Variants in NECTIN1 observed in about 807,000 individuals in gnomAD.
The protein encoded by NECTIN1 is nectin cell adhesion molecule 1.
In NECTIN1, 23 loss-of-function variants were observed where a neutral mutation model predicts 48.0. The observed-to-expected ratio is 0.48, with a 90% confidence interval of 0.34 to 0.68. The LOEUF is 0.68. Among genes scored for constraint, NECTIN1 ranks in the 30% least tolerant of loss-of-function variants. NECTIN1 has a pLI of 0.01. For missense variants in NECTIN1, 591 were observed against 709.9 expected (o/e 0.83, Z 1.90); for synonymous variants, 270 against 288.9 (o/e 0.93, Z 0.66).
chr11:119,724,997 A>G (rs1865888422), intron 1 of NECTIN1, among the ~76,000 whole-genome samples: 1 of 152,206 alleles, frequency 6.6e-6, no homozygotes, highest in African/African-American at 2.4e-5. Flanking sequence ...TCTCTGAGGT[A>G]GGAGGCATTC....
chr11:119,724,132 T>C (rs999306082), intron 1 of NECTIN1, among the ~76,000 whole-genome samples: 2 of 152,146 alleles, frequency 1.3e-5, no homozygotes, highest in African/African-American at 4.8e-5. Flanking sequence ...CACACCCTTT[T>C]TAATTGCCCA....
rs1222362236 is a variant in NECTIN1, at chr11:119,684,148, C to G, written c.80-5383G>C. 2.6e-5 allele frequency among the ~76,000 whole-genome samples: 4 copies of G among 152,246 alleles called. No homozygotes were observed. Among genetic ancestry groups the G allele is most frequent in the Non-Finnish European group, 5.9e-5 (4 of 68,046 alleles). ...GTTTCTCTTCCTGCCCTTTTAACCC[C>G]CAGACCCCTCTTCCTAGCCAAGCAG... is the stretch of plus-strand genomic sequence containing the variant. On this transcript the variant is annotated intron_variant, in intron 1 of 5. Transcript: ENST00000264025. The surrounding 1 kb of genome is among the most constrained non-coding windows in gnomAD (Gnocchi z 5.2).
chr11:119,690,617 T>C (rs1865237271), intron 1 of NECTIN1, among the ~76,000 whole-genome samples: 1 of 152,198 alleles, frequency 6.6e-6, no homozygotes, highest in South Asian at 2.1e-4. Flanking sequence ...CACCAGCAGA[T>C]CAGGGCCTCA....
chr11:119,664,905 G>A lies in NECTIN1; in HGVS notation c.1396C>T (p.Arg466Trp), dbSNP rs760713461. The change falls in exon 6 of 6, where the codon CGG (arginine) becomes TGG (tryptophan). Residue 466 changes from arginine (R) to tryptophan (W), a missense_variant. By Grantham distance (101) the Arg-to-Trp change is moderately radical. Coordinates refer to ENST00000264025, the MANE Select transcript of NECTIN1 (RefSeq NM_002855.5). ...GCCTCATCCACGGTGAAGTAGGGCC[G>A]CTTGGCGTCCTCGTCATATTTGGGG... ...PHPKYDEDAK[R>W]PYFTVDEAEA... The A allele has an allele frequency of 1.1e-4, 185 of 1,613,850 alleles. No homozygotes were observed. Among genetic ancestry groups the A allele is most frequent in the Non-Finnish European group, 1.5e-4 (182 of 1,179,958 alleles).
intron 1 of NECTIN1, among the ~76,000 whole-genome samples, chr11:119,721,088 G>A (rs1036703218): frequency 1.4e-4 from 22 of 152,228 alleles, no homozygotes; most frequent in Non-Finnish European, 2.9e-5. Context: ...TGGTGCTAGG[G>A]CGTATATCTC....
In NECTIN1 at chr11:119,728,685, C is replaced by G. The variant is rs1478867281; in HGVS notation, c.-132G>C. 1.4e-5 allele frequency: 2 copies of G among 140,042 alleles called. No individual in the cohort carries two copies. The highest frequency in any genetic ancestry group is 2.9e-5 in the Non-Finnish European group (2 of 68,544). The allele number at this position is 140,042 out of a possible 1,614,324, so 8.7% of individuals were successfully genotyped here. ...AAGGATCCAGGTCAGCTGCAGCCGT[C>G]GGCCGGGGCGGGGTGGGCTGGGTGG... On this transcript the variant is annotated 5_prime_UTR_variant, in exon 1 of 6. Transcript: ENST00000264025.
chr11:119,668,939 G>A (rs1336962097), intron 5 of NECTIN1, among the ~76,000 whole-genome samples: 1 of 152,110 alleles, frequency 6.6e-6, no homozygotes, highest in Non-Finnish European at 1.5e-5. Context: ...GCTCACTATT[G>A]TTACATTTGT....
chr11:119,688,774 G>A (rs1238569439), intron 1 of NECTIN1, among the ~76,000 whole-genome samples: 6 of 152,148 alleles, frequency 3.9e-5, no homozygotes, highest in Non-Finnish European at 8.8e-5. Context: ...GAAGTGGCTG[G>A]GAACAGGGCT....
In NECTIN1 at chr11:119,665,364, A is replaced by C; in HGVS notation, c.1004-67T>G. 5.0e-6 allele frequency: 5 copies of C among 1,003,032 alleles called. No individual in the cohort carries two copies. The highest frequency in any genetic ancestry group is 6.8e-6 in the Non-Finnish European group (5 of 731,214). The allele number at this position is 1,003,032 out of a possible 1,614,324, so 62.1% of individuals were successfully genotyped here. On this transcript the variant is annotated intron_variant, in intron 5 of 5. Transcript: ENST00000264025. The surrounding 1 kb of genome is among the most constrained non-coding windows in gnomAD (Gnocchi z 5.1). ...GCTCCTGGGGTGTAGAGGGGGTGGGAGGGAGGCAGGGAAAGGAGAGGCCAG... is the reference window on the plus strand; with the variant it reads ...GCTCCTGGGGTGTAGAGGGGGTGGGCGGGAGGCAGGGAAAGGAGAGGCCAG...
rs1411441967 is a variant in NECTIN1 at position 119,684,374 on chromosome 11, T to C, written c.80-5609A>G. Among the ~76,000 whole-genome samples the C allele has an allele frequency of 1.3e-5, 2 of 152,324 alleles. No individual in the cohort carries two copies. Among genetic ancestry groups the C allele is most frequent in the African/African-American group, 4.8e-5 (2 of 41,582 alleles). On this transcript the variant is annotated intron_variant, in intron 1 of 5. Coordinates refer to ENST00000264025, the MANE Select transcript of NECTIN1 (RefSeq NM_002855.5). The surrounding 1 kb of genome is among the most constrained non-coding windows in gnomAD (Gnocchi z 5.2). ...TGGCCTGGAGTAAAGTGGCGGCACA[T>C]TGCAGAGAGGGAGTGGGTCTGTGTG...
intron 5 of NECTIN1, among the ~76,000 whole-genome samples, chr11:119,647,225 C>CTGTGTGTGTGTGTGTGTG (rs1279579777): frequency 7.2e-5 from 4 of 55,816 alleles, no homozygotes; most frequent in Non-Finnish European, 1.2e-4. Context: ...GTGTGTGTGA[C>CTGTGTGTGTGTGTGTGTG]TGTGACCCCC....
chr11:119,686,704 T>C (rs1445120665), intron 1 of NECTIN1, among the ~76,000 whole-genome samples: 1 of 152,216 alleles, frequency 6.6e-6, no homozygotes. Context: ...ACTCCCCCGT[T>C]ACCTGCGCAA....
At chr11:119,648,430 A>ATGGTGGTGATGGTGGTGG (rs1864444677) in intron 5 of NECTIN1, among the ~76,000 whole-genome samples, 1 of 17,594 alleles carries the variant, frequency 5.7e-5, no homozygotes, top group Admixed American at 5.4e-4. Context: ...GATGGTGGTG[A>ATGGTGGTGATGGTGGTGG]TGGTGGTGGT....
At chr11:119,640,071 G>A in intron 5 of NECTIN1, 2 of 1,506,626 alleles carry the variant, frequency 1.3e-6, no homozygotes, top group South Asian at 1.2e-5. Flanking sequence ...CCCAAAGAGA[G>A]TCAGAGATGT....
chr11:119,705,443 C>G (rs774315388), intron 1 of NECTIN1, among the ~76,000 whole-genome samples: 2 of 152,172 alleles, frequency 1.3e-5, no homozygotes, highest in Non-Finnish European at 2.9e-5. Context: ...GAAGATCTCA[C>G]TGAGAAAGGA....
At chr11:119,680,367 CA>C (rs779738444) in intron 1 of NECTIN1, among the ~76,000 whole-genome samples, 4 of 152,186 alleles carry the variant, frequency 2.6e-5, no homozygotes, top group Admixed American at 6.5e-5. Context: ...TGAGCGTCAT[CA>C]ATAGCATTAA....
Position 119,663,747 on chromosome 11 carries a change from G to T in NECTIN1, c.*1000C>A. The stretch of plus-strand genomic sequence containing the variant: ...CAGAGAAACCTCCACGCTGTAAGAA[G>T]CAGTTTGGGGCAGGCCTGAGATCCT... On this transcript the variant is annotated 3_prime_UTR_variant, in exon 6 of 6. Transcript: ENST00000264025. 1 of 985,506 alleles carries T rather than the reference G, an allele frequency of 1.0e-6. No homozygotes were observed. The highest frequency in any genetic ancestry group is 1.2e-6 in the Non-Finnish European group (1 of 829,958). The allele number at this position is 985,506 out of a possible 1,614,324, so 61.0% of individuals were successfully genotyped here.
chr11:119,714,508 G>T (rs986806216), intron 1 of NECTIN1, among the ~76,000 whole-genome samples: 1 of 152,134 alleles, frequency 6.6e-6, no homozygotes, highest in African/African-American at 2.4e-5. Flanking sequence ...GTGCAGGCAG[G>T]TGGGGAGCAC....
In NECTIN1 at chr11:119,672,972, C is replaced by G. The variant is rs1230310713; in HGVS notation, c.1003+2187G>C. Reference sequence around the variant, plus strand: ...CACCTTCTGCCCTGCCCCAGTCACTCCTCATTTCCCTTTCCAGATGTGCCC... The same window carrying G: ...CACCTTCTGCCCTGCCCCAGTCACTGCTCATTTCCCTTTCCAGATGTGCCC... On this transcript the variant is annotated intron_variant, in intron 5 of 5. Transcript: ENST00000264025. This position sits in a 1 kb window ranked among gnomAD's most constrained non-coding sequence, Gnocchi z 4.3. 6.6e-6 allele frequency among the ~76,000 whole-genome samples: 1 copy of G among 152,204 alleles called. No homozygotes were observed. The highest frequency in any genetic ancestry group is 2.4e-5 in the African/African-American group (1 of 41,454).
Sources: gnomAD v4.1 joint callset for allele counts (sites outside exome capture counted in the v4.1 genomes callset) on GRCh38, gnomAD v4.1.1 for gene constraint, Gnocchi (gnomAD v3.1) non-coding constraint, MANE v1.5 for transcripts, NCBI Gene and HGNC (gene_info 2026-07-23, HGNC 2026-07-21) for gene names.